MGAM: variants seen among roughly 807,000 people sequenced by gnomAD.
MGAM encodes alpha-1,4-glucosidase.
A neutral mutation model predicts 358.8 loss-of-function variants in MGAM; 253 were observed. The ratio of observed to expected loss-of-function variants is 0.71; its 90% confidence interval spans 0.64 to 0.78. MGAM has a LOEUF of 0.78. Ranked by LOEUF, MGAM falls within the 30% of genes least tolerant of loss-of-function variation. The pLI is 0.00. For missense variants in MGAM, 3,080 were observed against 3,432.6 expected, an observed-to-expected ratio of 0.90 and a Z score of 2.57; for synonymous variants, 1,105 against 1,227.1, an observed-to-expected ratio of 0.90 and a Z score of 2.08.
rs1808460148 is a variant in MGAM, at chr7:142,040,862, A to T, written c.2498+16A>T. Reference sequence around the variant, plus strand: ...CTCTGGCCAGGTATAGCATGGCTGGAGTGTCCTTTCAGAATTCATGTCCTT... The same window carrying T: ...CTCTGGCCAGGTATAGCATGGCTGGTGTGTCCTTTCAGAATTCATGTCCTT... On this transcript the variant is annotated intron_variant, in intron 21 of 70. Transcript: ENST00000475668. The T allele has an allele frequency of 1.3e-6, 2 of 1,588,128 alleles. No homozygotes were observed. The highest frequency in any genetic ancestry group is 1.7e-6 in the Non-Finnish European group (2 of 1,170,552).
At chr7:142,060,266 G>A in intron 33 of MGAM, 45 bp from the exon 34 acceptor site, 1 of 1,600,016 alleles carries the variant, frequency 6.2e-7, no homozygotes, top group Non-Finnish European at 8.6e-7. Context: ...ACTATGTAAG[G>A]GAAATTGTCT....
In MGAM at chr7:142,080,808, C is replaced by G. The variant is rs748656628; in HGVS notation, c.5865C>G (p.Asn1955Lys). Residue 1955 changes from asparagine (N) to lysine (K), a missense_variant, in exon 50 of 71, where the codon AAC (asparagine) becomes AAG (lysine). By Grantham distance (94) the Asn-to-Lys change is moderately conservative. Transcript: ENST00000475668. Reference sequence around the variant, plus strand: ...TGGCCTAGATTTATGATCCCAACAACAATCGGTATGAAGTTCCAGTCCCTC... The same window carrying G: ...TGGCCTAGATTTATGATCCCAACAAGAATCGGTATGAAGTTCCAGTCCCTC... ...MLQFKIYDPN[N>K]NRYEVPVPLN... 257 of 1,555,066 alleles carry G rather than the reference C, an allele frequency of 1.7e-4. 35 individuals are homozygous for G. The highest frequency in any genetic ancestry group is 2.7e-4 in the East Asian group (12 of 43,946).
chr7:142,076,206 C>A lies in MGAM; in HGVS notation c.5279C>A (p.Thr1760Asn), dbSNP rs762364464. 1 of 1,545,936 alleles carries A rather than the reference C, an allele frequency of 6.5e-7. No homozygotes were observed. The highest frequency in any genetic ancestry group is 8.9e-7 in the Non-Finnish European group (1 of 1,125,662). ...CTTGTCTTTCTGTCACTTTCAGATA[C>A]TGTGGCCAAGAAAGTATATCTTTTA... is the stretch of plus-strand genomic sequence containing the variant. ...LFWDDGQTKD[T>N]VAKKVYLLCE... The change falls in exon 46 of 71, where the codon ACT becomes AAT. Residue 1760 changes from threonine (T) to asparagine (N), a missense_variant. By Grantham distance (65) the Thr-to-Asn change is moderately conservative. Around this residue, in one of 5 missense-constraint regions of MGAM, gnomAD observed 932 missense variants for 1,198.2 expected, o/e 0.78. Transcript: ENST00000475668.
chr7:142,098,840 AT>A (rs1377145019), intron 66 of MGAM, among the ~76,000 whole-genome samples: 2 of 152,132 alleles, frequency 1.3e-5, no homozygotes, highest in Non-Finnish European at 2.9e-5. Context: ...AAAAGATGAA[AT>A]TTTGATGTTT....
chr7:142,014,824 G>T (rs1355765482), intron 3 of MGAM, among the ~76,000 whole-genome samples: 1 of 151,926 alleles, frequency 6.6e-6, no homozygotes, highest in Admixed American at 6.6e-5. Flanking sequence ...GTACACAATT[G>T]TATAAAATTA....
chr7:142,105,694 T>C (rs1816803447), intron 70 of MGAM, 120 bp from the exon 71 acceptor site: 1 of 703,602 alleles, frequency 1.4e-6, no homozygotes, highest in African/African-American at 1.8e-5. Context: ...GTCTTTTAAC[T>C]AGACAATACA....
intron 65 of MGAM, among the ~76,000 whole-genome samples, chr7:142,096,876 A>G (rs944969799): frequency 7.3e-5 from 11 of 151,208 alleles, no homozygotes; most frequent in African/African-American, 1.5e-4. Context: ...CTTTACTTCT[A>G]TTGTTGATTA....
chr7:142,020,049 A>G (rs905245624), intron 4 of MGAM, among the ~76,000 whole-genome samples: 6 of 142,712 alleles, frequency 4.2e-5, no homozygotes, highest in Non-Finnish European at 7.6e-5. Flanking sequence ...AGCCTGGGTG[A>G]CAGAGCGAGA....
intron 53 of MGAM, 34 bp downstream of exon 53, chr7:142,083,447 A>C: frequency 7.1e-7 from 1 of 1,417,082 alleles, no homozygotes; most frequent in East Asian, 2.4e-5. Context: ...TCAAGTACTT[A>C]TATAGCACAT....
In MGAM at chr7:142,046,233, G is replaced by T. The variant is rs558035453; in HGVS notation, c.2499-1552G>T. Among the ~76,000 whole-genome samples the T allele has an allele frequency of 4.0e-5, 6 of 149,918 alleles. No homozygotes were observed. The South Asian group carries it at 1.0e-3, about 26-fold the overall frequency. On this transcript the variant is annotated intron_variant, in intron 21 of 70. Coordinates refer to ENST00000475668, the MANE Select transcript of MGAM (RefSeq NM_001365693.1). ...TTCTTTAATACTGTTAGTATTTCAA[G>T]AACAGTTGTATACTCTGTGCTTGAA... is the stretch of plus-strand genomic sequence containing the variant.
chr7:142,040,726 G>A lies in MGAM; in HGVS notation c.2378G>A (p.Ser793Asn), dbSNP rs767785374. Residue 793 changes from serine to asparagine, a missense_variant, in exon 21 of 71, where the codon AGC (serine) becomes AAC (asparagine). Ser to Asn is a conservative substitution (Grantham distance 46, BLOSUM62 1). This residue lies in a region of MGAM where 1,816 missense variants were observed against 1,840.5 expected (regional missense o/e 0.99). Coordinates refer to ENST00000475668, the MANE Select transcript of MGAM (RefSeq NM_001365693.1). ...DAVWYDYETG[S>N]QVRWRKQKVE... ...TGATTTATCTGCATGCATCAGGGGA[G>A]CCAAGTGAGATGGAGGAAGCAAAAA... 6.2e-7 allele frequency: 1 copy of A among 1,613,056 alleles called. No individual in the cohort carries two copies. Among genetic ancestry groups the A allele is most frequent in the Non-Finnish European group, 8.5e-7 (1 of 1,179,450 alleles).
At chr7:142,077,851 T>A (rs1455029553) in intron 47 of MGAM, among the ~76,000 whole-genome samples, 1 of 144,902 alleles carries the variant, frequency 6.9e-6, no homozygotes, top group African/African-American at 2.4e-5. Flanking sequence ...GATAACCAGG[T>A]CATATGATTC....
At chr7:142,005,277 A>G (rs560577514) in intron 1 of MGAM, among the ~76,000 whole-genome samples, 3 of 152,230 alleles carry the variant, frequency 2.0e-5, no homozygotes, top group South Asian at 4.1e-4. Context: ...TTAAAGAAAC[A>G]TACTATTTTT....
In MGAM at chr7:142,058,319, G is replaced by T. The variant is rs766241317; in HGVS notation, c.3810G>T (p.Gln1270His). 6.2e-7 allele frequency: 1 copy of T among 1,613,892 alleles called. No homozygotes were observed. The highest frequency in any genetic ancestry group is 1.1e-5 in the South Asian group (1 of 91,080). ...TGTATGATGAGATGGTGGCTGCCCA[G>T]ATCCCTTATGTACGTTCTCAGTCAT... Reference protein sequence around the residue: ...ASLYDEMVAAQIPYDVQYSDI... With the variant: ...ASLYDEMVAAHIPYDVQYSDI... Residue 1270 changes from glutamine (Q) to histidine (H), a missense_variant, in exon 31 of 71, where the codon CAG (glutamine) becomes CAT (histidine). Around this residue, in one of 5 missense-constraint regions of MGAM, gnomAD observed 1,816 missense variants for 1,840.5 expected, o/e 0.99. Coordinates refer to ENST00000475668, the MANE Select transcript of MGAM (RefSeq NM_001365693.1).
chr7:141,998,699 T>C lies in MGAM; in HGVS notation c.-3+2769T>C, dbSNP rs550898614. ...GGTTCCAAGTCTTTGCTATTGTAAA[T>C]AGTGCTGCAGTAAACATACGTGTGC... On this transcript the variant is annotated intron_variant, in intron 1 of 70. Coordinates refer to ENST00000475668, the MANE Select transcript of MGAM (RefSeq NM_001365693.1). Among the ~76,000 whole-genome samples, 49 of 152,302 alleles carry C rather than the reference T, an allele frequency of 3.2e-4. No individual in the cohort carries two copies. The South Asian group carries it at 9.1e-3, about 28-fold the overall frequency.
chr7:142,058,297 A>T lies in MGAM; in HGVS notation c.3788A>T (p.Tyr1263Phe), dbSNP rs760039586. 27 of 1,613,816 alleles carry T rather than the reference A, an allele frequency of 1.7e-5. No homozygotes were observed. Among genetic ancestry groups the T allele is most frequent in the Non-Finnish European group, 2.3e-5 (27 of 1,179,852 alleles). The change falls in exon 31 of 71, where the codon TAT (tyrosine) becomes TTT (phenylalanine). Residue 1263 changes from tyrosine (Y) to phenylalanine (F), a missense_variant. This residue lies in a region of MGAM where 1,816 missense variants were observed against 1,840.5 expected (regional missense o/e 0.99). Coordinates refer to ENST00000475668, the MANE Select transcript of MGAM (RefSeq NM_001365693.1). ...AATGACTCTGAGATCGCCAGCTTGT[A>T]TGATGAGATGGTGGCTGCCCAGATC... ...YQNDSEIASL[Y>F]DEMVAAQIPY...
chr7:142,063,817 G>A lies in MGAM; in HGVS notation c.4345+231G>A, dbSNP rs150891842. Among the ~76,000 whole-genome samples, 1,071 of 152,322 alleles carry A rather than the reference G, an allele frequency of 7.0e-3. 6 individuals are homozygous for A. The highest frequency in any genetic ancestry group is 0.011 in the Non-Finnish European group (744 of 68,032). Reference sequence around the variant, plus strand: ...ATTTGTCCAGAAAGCACTTAGCAGAGCTCATGGCACAAAGGGTTCTCACAG... The same window carrying A: ...ATTTGTCCAGAAAGCACTTAGCAGAACTCATGGCACAAAGGGTTCTCACAG... On this transcript the variant is annotated intron_variant, in intron 36 of 70. Transcript: ENST00000475668.
At chr7:142,099,177 G>T (rs1470875716) in intron 66 of MGAM, among the ~76,000 whole-genome samples, 1 of 152,204 alleles carries the variant, frequency 6.6e-6, no homozygotes, top group African/African-American at 2.4e-5. Context: ...GTGAGGAGGT[G>T]ATGCGGCTGA....
Position 142,099,767 on chromosome 7 carries a change from C to A in MGAM, c.7874+30C>A, listed in dbSNP as rs1475477117. 7 of 1,610,488 alleles carry A rather than the reference C, an allele frequency of 4.3e-6. No homozygotes were observed. The South Asian group carries it at 6.6e-5, about 15-fold the overall frequency. On this transcript the variant is annotated intron_variant, in intron 67 of 70. Coordinates refer to ENST00000475668, the MANE Select transcript of MGAM (RefSeq NM_001365693.1). Reference sequence around the variant, plus strand: ...GTGACAGGACTCAGGTTTTCCTTTACATGTCAGTTAGCTCAACAATTTGTA... The same window carrying A: ...GTGACAGGACTCAGGTTTTCCTTTAAATGTCAGTTAGCTCAACAATTTGTA...
Sources: gnomAD v4.1 joint callset for allele counts (sites outside exome capture counted in the v4.1 genomes callset) on GRCh38, gnomAD v4.1.1 for gene constraint, gnomAD v4.1.1 regional missense constraint, MANE v1.5 for transcripts, NCBI Gene and HGNC (gene_info 2026-07-23, HGNC 2026-07-21) for gene names.